The following KDM3B variants were observed in gnomAD, a reference collection of about 807,000 sequenced individuals.
KDM3B encodes the protein lysine demethylase 3B.
Under a neutral mutation model 170.0 loss-of-function variants are expected in KDM3B, and 10 were observed. The ratio of observed to expected loss-of-function variants is 0.06; its 90% CI spans 0.04 to 0.10. KDM3B has a LOEUF of 0.10. Among genes scored for constraint, KDM3B ranks in the 10% least tolerant of loss-of-function variants. The pLI is 1.00. For synonymous variants in KDM3B, 831 were observed against 834.8 expected, an observed-to-expected ratio of 1.00 and a Z score of 0.08; for missense variants, 1,394 against 2,195.2, an observed-to-expected ratio of 0.64 and a Z score of 7.29.
At chr5:138,416,311 C>A (rs915166695) in intron 12 of KDM3B, among the ~76,000 whole-genome samples, 4 of 152,052 alleles carry the variant, frequency 2.6e-5, no homozygotes, top group African/African-American at 9.7e-5. Flanking sequence ...TGCCACAGGC[C>A]AGGCATGGTG....
chr5:138,392,194 G>A lies in KDM3B; in HGVS notation c.2562G>A (p.Glu854=), dbSNP rs142696881. ...KLGPNGERSA[E]LLLGKSKGKQ... is the part of the protein sequence containing the mutation. ...GCCCCAATGGGGAGCGCAGTGCTGA[G>A]CTGTTGCTGGGCAAAAGCAAAGGGA... The change falls in exon 8 of 24, where the codon GAG becomes GAA. Residue 854 remains glutamate (E), a synonymous_variant. Coordinates refer to ENST00000314358, the MANE Select transcript of KDM3B (RefSeq NM_016604.4). The A allele has an allele frequency of 5.8e-5, 89 of 1,522,500 alleles. 1 individual carries two copies. The highest frequency in any genetic ancestry group is 7.7e-5 in the Non-Finnish European group (87 of 1,133,652). 94.3% of individuals were successfully genotyped at this position (1,522,500 alleles called of 1,614,324 possible). A position where few individuals can be genotyped will look rare whatever the true frequency, so the allele number is the denominator to read the frequency against.
intron 5 of KDM3B, 26 bp from the exon 6 acceptor site, chr5:138,381,476 TGGACAAGGCATTAA>T: frequency 8.4e-7 from 1 of 1,184,010 alleles, no homozygotes; most frequent in Non-Finnish European, 1.3e-6. Context: ...TATGTCTTTA[TGGACAAGGCATTAA>T]ATATCTTTTT....
At chr5:138,358,797 TTTA>T (rs57506447) in intron 1 of KDM3B, among the ~76,000 whole-genome samples, 59,514 of 150,098 alleles carry the variant, frequency 0.4, 12,093 homozygotes, top group East Asian at 0.57. Context: ...TTTTTATTTT[TTTA>T]TTATTATTAT....
chr5:138,359,014 A>C (rs560623138), intron 1 of KDM3B, among the ~76,000 whole-genome samples: 1 of 144,128 alleles, frequency 6.9e-6, no homozygotes, highest in African/African-American at 2.6e-5. Context: ...TCATTGTTCA[A>C]TTCCCACCTA....
chr5:138,430,561 T>C, intron 22 of KDM3B, 136 bp downstream of exon 22: 1 of 843,188 alleles, frequency 1.2e-6, no homozygotes, highest in African/African-American at 1.7e-5. Context: ...TTTATGCTTT[T>C]ATTTTCTTCC....
intron 14 of KDM3B, among the ~76,000 whole-genome samples, chr5:138,420,162 A>G (rs1323786306): frequency 6.6e-6 from 1 of 152,232 alleles, no homozygotes; most frequent in Non-Finnish European, 1.5e-5. Context: ...TGCTGGGATT[A>G]TAGGCGTGAG....
chr5:138,432,814 G>A lies in KDM3B; in HGVS notation c.5205+1255G>A, dbSNP rs187421838. On this transcript the variant is annotated intron_variant, in intron 23 of 23. Transcript: ENST00000314358. ...TTTTGGAGTGCAGTGGCGTGATCTCGGCTCACTGCAAGCTCCGCCTCCTGG... is the reference window on the plus strand; with the variant it reads ...TTTTGGAGTGCAGTGGCGTGATCTCAGCTCACTGCAAGCTCCGCCTCCTGG... Among the ~76,000 whole-genome samples the A allele has an allele frequency of 9.9e-5, 15 of 151,870 alleles. No individual in the cohort carries two copies. In the East Asian group the frequency reaches 1.7e-3, roughly 18 times the overall value.
chr5:138,393,607 T>G (rs1762485265), intron 9 of KDM3B, among the ~76,000 whole-genome samples: 1 of 152,244 alleles, frequency 6.6e-6, no homozygotes, highest in South Asian at 2.1e-4. Context: ...TAGCTGCAGC[T>G]CTGTGCTATT....
At position 138,435,765 on chromosome 5, in the gene KDM3B, G is replaced by A. The variant is rs1043317819; in HGVS notation, c.*65G>A. 6.2e-6 allele frequency: 8 copies of A among 1,284,654 alleles called. No homozygotes were observed. The highest frequency in any genetic ancestry group is 2.5e-5 in the East Asian group (1 of 40,782). 79.6% of individuals were successfully genotyped at this position (1,284,654 alleles called of 1,614,324 possible). On this transcript the variant is annotated 3_prime_UTR_variant, in exon 24 of 24. Transcript: ENST00000314358. ...TCACTCACAACACTTAACAGGGAAC[G>A]GCAGGGCTCTTTGCTGGAGCAGAGG... is the stretch of plus-strand genomic sequence containing the variant.
intron 20 of KDM3B, 147 bp downstream of exon 20, chr5:138,428,233 G>C: frequency 1.2e-6 from 1 of 857,710 alleles, no homozygotes; most frequent in Non-Finnish European, 1.8e-6. Flanking sequence ...CGGGGAGGCA[G>C]AGTCTCGCTC....
At chr5:138,428,660 C>T (rs72803894) in intron 20 of KDM3B, among the ~76,000 whole-genome samples, 3,428 of 152,204 alleles carry the variant, frequency 0.023, 71 homozygotes, top group Middle Eastern at 0.041. Context: ...GAGTCTCTTT[C>T]TAGAAATGCT....
At chr5:138,408,288 G>A (rs1170786756) in intron 11 of KDM3B, among the ~76,000 whole-genome samples, 1 of 151,218 alleles carries the variant, frequency 6.6e-6, no homozygotes, top group Non-Finnish European at 1.5e-5. Context: ...GCCACCAACT[G>A]GTCTGGGAGT....
At chr5:138,429,291 A>T (rs1328349515) in intron 20 of KDM3B, among the ~76,000 whole-genome samples, 1 of 151,240 alleles carries the variant, frequency 6.6e-6, no homozygotes, top group Non-Finnish European at 1.5e-5. Flanking sequence ...ATCTCAGGTG[A>T]TCCGCCCACC....
intron 11 of KDM3B, among the ~76,000 whole-genome samples, chr5:138,414,050 C>T (rs1423923608): frequency 6.6e-6 from 1 of 152,184 alleles, no homozygotes; most frequent in Non-Finnish European, 1.5e-5. Flanking sequence ...GAATGAATTA[C>T]TAATACACAC....
intron 12 of KDM3B, among the ~76,000 whole-genome samples, chr5:138,416,202 T>C (rs1763099589): frequency 6.6e-6 from 1 of 152,210 alleles, no homozygotes; most frequent in African/African-American, 2.4e-5. Context: ...TTCCAGAAGT[T>C]CTGTATGCCT....
intron 19 of KDM3B, among the ~76,000 whole-genome samples, chr5:138,427,713 T>G (rs1763432247): frequency 6.6e-6 from 1 of 152,246 alleles, no homozygotes; most frequent in Non-Finnish European, 1.5e-5. Flanking sequence ...TACGCCCTAA[T>G]GCCCATATCT....
At chr5:138,369,942 A>C (rs1351312523) in intron 1 of KDM3B, among the ~76,000 whole-genome samples, 2 of 152,204 alleles carry the variant, frequency 1.3e-5, no homozygotes, top group Admixed American at 1.3e-4. Flanking sequence ...TAAGTTTTGC[A>C]AGAGAGTGGA....
At chr5:138,412,515 G>C (rs1283377373) in intron 11 of KDM3B, among the ~76,000 whole-genome samples, 1 of 151,996 alleles carries the variant, frequency 6.6e-6, no homozygotes. Flanking sequence ...TTAGCGAGAC[G>C]TGGTGGCTTT....
chr5:138,382,222 C>T (rs1373643535), intron 6 of KDM3B, among the ~76,000 whole-genome samples: 1 of 151,742 alleles, frequency 6.6e-6, no homozygotes, highest in Non-Finnish European at 1.5e-5. Flanking sequence ...CCGAGGCAGG[C>T]GGATCACCTG....
Sources: gnomAD v4.1 joint callset for allele counts (sites outside exome capture counted in the v4.1 genomes callset) on GRCh38, gnomAD v4.1.1 for gene constraint, MANE v1.5 for transcripts, NCBI Gene and HGNC (gene_info 2026-07-23, HGNC 2026-07-21) for gene names.